NPAS3: variants seen among roughly 807,000 people sequenced by gnomAD.
NPAS3 encodes the protein neuronal PAS domain protein 3.
A neutral mutation model predicts 73.1 loss-of-function variants in NPAS3; 14 were observed. The ratio of observed to expected loss-of-function variants is 0.19; its 90% CI spans 0.13 to 0.30. The LOEUF (loss-of-function observed/expected upper bound fraction) is 0.30, where lower values mean the gene tolerates loss of function less well. Among genes scored for constraint, NPAS3 ranks in the 10% least tolerant of loss-of-function variants. NPAS3 has a pLI of 1.00. For missense variants in NPAS3, 1,096 were observed against 1,250.0 expected, an observed-to-expected ratio of 0.88 and a Z score of 1.86; for synonymous variants, 620 against 541.5, an observed-to-expected ratio of 1.14 and a Z score of -2.01.
At chr14:33,756,709 TAGA>T (rs2062126203) in intron 7 of NPAS3, among the ~76,000 whole-genome samples, 1 of 152,206 alleles carries the variant, frequency 6.6e-6, no homozygotes, top group Admixed American at 6.5e-5. Flanking sequence ...TTTCATGCAG[TAGA>T]TAGATGTAGC....
chr14:33,637,301 A>G (rs2074396035), intron 5 of NPAS3, among the ~76,000 whole-genome samples: 3 of 152,220 alleles, frequency 2.0e-5, no homozygotes, highest in Admixed American at 2.0e-4. Flanking sequence ...ACTCTGGCAT[A>G]TGATTTCTAA....
intron 3 of NPAS3, among the ~76,000 whole-genome samples, chr14:33,227,073 A>G (rs1414076104): frequency 6.6e-6 from 1 of 152,234 alleles, no homozygotes; most frequent in Non-Finnish European, 1.5e-5. Flanking sequence ...AGTATGTCCT[A>G]GAGACATATG....
At position 33,467,687 on chromosome 14, in the gene NPAS3, A is replaced by G. The variant is rs138728385; in HGVS notation, c.469-92434A>G. ...TAGGCAAAGCGGCAGTGCCCTTTGTATGCTGCAGCGGTGACTTAGCTAACC... is the reference window on the plus strand; with the variant it reads ...TAGGCAAAGCGGCAGTGCCCTTTGTGTGCTGCAGCGGTGACTTAGCTAACC... On this transcript the variant is annotated intron_variant, in intron 4 of 11. Transcript: ENST00000356141. Among the ~76,000 whole-genome samples the G allele has an allele frequency of 2.6e-5, 4 of 152,290 alleles. 1 individual carries two copies. The highest frequency in any genetic ancestry group is 9.6e-5 in the African/African-American group (4 of 41,580).
At chr14:33,363,162 T>C (rs2045684355) in intron 3 of NPAS3, among the ~76,000 whole-genome samples, 1 of 152,212 alleles carries the variant, frequency 6.6e-6, no homozygotes, top group Admixed American at 6.5e-5. Flanking sequence ...CACTGAGCGT[T>C]AATCCTCAGC....
At chr14:33,448,742 C>A (rs539292499) in intron 4 of NPAS3, among the ~76,000 whole-genome samples, 1 of 152,258 alleles carries the variant, frequency 6.6e-6, no homozygotes, top group Middle Eastern at 3.4e-3. Context: ...CAAAGTGCCC[C>A]TGAGACAAGG....
At chr14:33,552,216 G>A (rs1279717815) in intron 4 of NPAS3, among the ~76,000 whole-genome samples, 2 of 152,172 alleles carry the variant, frequency 1.3e-5, no homozygotes, top group Non-Finnish European at 2.9e-5. Context: ...TGCTGGAAGA[G>A]GCAAGGATTC....
intron 4 of NPAS3, among the ~76,000 whole-genome samples, chr14:33,433,630 T>G (rs2048866750): frequency 6.6e-6 from 1 of 152,214 alleles, no homozygotes; most frequent in African/African-American, 2.4e-5. Flanking sequence ...GCAGCCAAGA[T>G]AGGGCCTTGT....
intron 2 of NPAS3, among the ~76,000 whole-genome samples, chr14:33,144,991 T>C (rs972848019): frequency 1.3e-5 from 2 of 152,218 alleles, no homozygotes; most frequent in Admixed American, 1.3e-4. Context: ...ACTTGGTTTG[T>C]TACAAAATTT....
chr14:33,195,893 T>C (rs11156784), intron 2 of NPAS3, among the ~76,000 whole-genome samples: 68,967 of 152,054 alleles, frequency 0.45, 17,119 homozygotes, highest in Non-Finnish European at 0.55. Flanking sequence ...ACTCTAAAAC[T>C]GTAGGTAAAT....
chr14:33,570,137 A>G (rs2056143889), intron 5 of NPAS3, among the ~76,000 whole-genome samples: 1 of 152,252 alleles, frequency 6.6e-6, no homozygotes, highest in Non-Finnish European at 1.5e-5. Context: ...AGAGAGAGGC[A>G]CAAAAATTAA....
intron 3 of NPAS3, among the ~76,000 whole-genome samples, chr14:33,284,314 A>G (rs2041768363): frequency 6.6e-6 from 1 of 150,570 alleles, no homozygotes; most frequent in African/African-American, 2.5e-5. Context: ...GTTTCTTCAT[A>G]GAAACAGTGC....
chr14:33,392,277 AATTAAT>A (rs2047040537), intron 4 of NPAS3, among the ~76,000 whole-genome samples: 1 of 152,180 alleles, frequency 6.6e-6, no homozygotes, highest in Non-Finnish European at 1.5e-5. Flanking sequence ...GAAAGGAAAG[AATTAAT>A]ATTTATTGAG....
intron 3 of NPAS3, among the ~76,000 whole-genome samples, chr14:33,281,630 T>G (rs956658373): frequency 6.6e-6 from 1 of 152,184 alleles, no homozygotes; most frequent in Non-Finnish European, 1.5e-5. Context: ...AGACTCCACC[T>G]CAAAAAAAAT....
At position 33,012,300 on chromosome 14, in the gene NPAS3, A is replaced by T. The variant is rs149517270; in HGVS notation, c.51-43605A>T. On this transcript the variant is annotated intron_variant, in intron 1 of 11. Coordinates refer to ENST00000356141, the Ensembl canonical transcript of NPAS3. ...GAATTGAGACCCCTACTTGCACAAA[A>T]CAAAGTTTTTAGTTGCTATCTACTT... Among the ~76,000 whole-genome samples, 511 of 152,292 alleles carry T rather than the reference A, an allele frequency of 3.4e-3. 5 individuals carry two copies. Among genetic ancestry groups the T allele is most frequent in the African/African-American group, 0.012 (480 of 41,560 alleles).
At chr14:33,067,798 T>C (rs904390995) in intron 2 of NPAS3, among the ~76,000 whole-genome samples, 2 of 152,218 alleles carry the variant, frequency 1.3e-5, no homozygotes, top group African/African-American at 4.8e-5. Flanking sequence ...TACTCCAAAA[T>C]AGAACTTGGG....
intron 1 of NPAS3, among the ~76,000 whole-genome samples, chr14:33,008,119 G>A (rs1304441282): frequency 6.6e-6 from 1 of 152,054 alleles, no homozygotes; most frequent in Non-Finnish European, 1.5e-5. Context: ...GAATGATAGA[G>A]AAACACCAGC....
At chr14:33,557,736 G>A (rs993554030) in intron 4 of NPAS3, among the ~76,000 whole-genome samples, 10 of 152,198 alleles carry the variant, frequency 6.6e-5, no homozygotes, top group East Asian at 1.9e-4. Flanking sequence ...TTGGGAGGCC[G>A]AGGCGGGCAG....
chr14:33,446,379 G>C (rs958873433), intron 4 of NPAS3, among the ~76,000 whole-genome samples: 7 of 151,470 alleles, frequency 4.6e-5, no homozygotes, highest in African/African-American at 1.7e-4. Context: ...GTTTCACCTT[G>C]TTAGCCAGGA....
intron 1 of NPAS3, among the ~76,000 whole-genome samples, chr14:32,967,930 T>A (rs965190983): frequency 1.1e-3 from 8 of 7,032 alleles, no homozygotes; most frequent in African/African-American, 3.7e-3. Flanking sequence ...TGTGTGTCAT[T>A]TGTGACAACA....
Sources: gnomAD v4.1 joint callset for allele counts (sites outside exome capture counted in the v4.1 genomes callset) on GRCh38, gnomAD v4.1.1 for gene constraint, MANE v1.5 for transcripts, NCBI Gene and HGNC (gene_info 2026-07-23, HGNC 2026-07-21) for gene names.